The following VPS53 variants were observed in gnomAD, a reference collection of about 807,000 sequenced individuals.
The protein encoded by VPS53 is vacuolar protein sorting-associated protein 53 homolog.
Under a neutral mutation model 107.0 loss-of-function variants are expected in VPS53, and 70 were observed. The observed-to-expected ratio is 0.65, with a 90% CI of 0.54 to 0.80. The LOEUF is 0.80. Ranked by LOEUF, VPS53 falls within the 30% of genes least tolerant of loss-of-function variation. The probability of loss-of-function intolerance (pLI) is 0.00; values close to 1 mark genes in which losing one functional copy is unlikely to be tolerated. For missense variants in VPS53, 917 were observed against 1,049.4 expected (o/e 0.87, Z 1.74); for synonymous variants, 409 against 393.3 (o/e 1.04, Z -0.47).
In VPS53 at chr17:528,064, C is replaced by A. The variant is rs551634604; in HGVS notation, c.2085+4778G>T. Reference sequence around the variant, plus strand: ...GCTTTATTGCCTTATTTTTTAGAGCCATAATCCATCTGGGATTAATTTTCT... The same window carrying A: ...GCTTTATTGCCTTATTTTTTAGAGCAATAATCCATCTGGGATTAATTTTCT... On this transcript the variant is annotated intron_variant, in intron 19 of 21. Coordinates refer to ENST00000437048, the MANE Select transcript of VPS53 (RefSeq NM_001128159.3). Among the ~76,000 whole-genome samples the A allele has an allele frequency of 2.7e-4, 41 of 152,212 alleles. No individual in the cohort carries two copies. In the East Asian group the frequency reaches 7.9e-3, roughly 29 times the overall value.
chr17:560,717 C>T, intron 14 of VPS53, 144 bp from the exon 15 acceptor site: 4 of 917,146 alleles, frequency 4.4e-6, no homozygotes, highest in East Asian at 2.7e-5. Flanking sequence ...GAGTCCTTTT[C>T]CTACTGACCT....
intron 7 of VPS53, among the ~76,000 whole-genome samples, chr17:634,026 G>T (rs1970080637): frequency 6.6e-6 from 1 of 152,192 alleles, no homozygotes; most frequent in Admixed American, 6.5e-5. Flanking sequence ...AGAAGAGGAA[G>T]GAGTTCTCCT....
intron 12 of VPS53, among the ~76,000 whole-genome samples, chr17:591,234 T>C (rs1967629234): frequency 6.6e-6 from 1 of 152,252 alleles, no homozygotes; most frequent in African/African-American, 2.4e-5. Flanking sequence ...ATCCCCTTTG[T>C]CATTTTTTAT....
At position 653,329 on chromosome 17, in the gene VPS53, C is replaced by T. The variant is rs1436281825; in HGVS notation, c.570G>A (p.Lys190=). 6.2e-7 allele frequency: 1 copy of T among 1,614,084 alleles called. No homozygotes were observed. Among genetic ancestry groups the T allele is most frequent in the African/African-American group, 1.3e-5 (1 of 74,908 alleles). ...GCCGGATCTGCGGAATCCCCATATA[C>T]TTGTGGAAGTGCTCCAGGACATTCA... ...GVMNVLEHFH[K]YMGIPQIRQL... The change falls in exon 7 of 22, where the codon AAG becomes AAA. Residue 190 remains lysine, a synonymous_variant. Coordinates refer to ENST00000437048, the MANE Select transcript of VPS53 (RefSeq NM_001128159.3).
intron 2 of VPS53, 75 bp from the exon 3 acceptor site, chr17:699,455 C>T: frequency 1.7e-6 from 2 of 1,190,100 alleles, no homozygotes; most frequent in Non-Finnish European, 2.3e-6. Context: ...AAATGATGTG[C>T]TATAATAGCT....
intron 15 of VPS53, among the ~76,000 whole-genome samples, chr17:553,935 AG>A (rs1018079058): frequency 1.3e-5 from 2 of 152,092 alleles, no homozygotes; most frequent in African/African-American, 2.4e-5. Context: ...AGAAAAATAG[AG>A]GGGGGGCCTA....
Position 623,694 on chromosome 17 carries a change from G to T in VPS53, c.975-20C>A. The T allele has an allele frequency of 6.3e-7, 1 of 1,595,872 alleles. No homozygotes were observed. The highest frequency in any genetic ancestry group is 8.6e-7 in the Non-Finnish European group (1 of 1,167,116). On this transcript the variant is annotated intron_variant, in intron 10 of 21. Transcript: ENST00000437048. ...TCTGCCCTTCAAAACAAAGAGATAA[G>T]AATACTATCAAACAAGCTGATCATT...
chr17:566,716 G>A (rs748441230), intron 13 of VPS53, among the ~76,000 whole-genome samples: 1 of 151,820 alleles, frequency 6.6e-6, no homozygotes, highest in Non-Finnish European at 1.5e-5. Flanking sequence ...GCTCTGACAT[G>A]GGTGTTTTTT....
chr17:665,654 G>C (rs181224120), intron 4 of VPS53, among the ~76,000 whole-genome samples: 2 of 152,326 alleles, frequency 1.3e-5, no homozygotes, highest in South Asian at 2.1e-4. Context: ...GAAATGTAGA[G>C]AAAGTCTGGA....
At chr17:612,919 T>C (rs1421005869) in intron 11 of VPS53, among the ~76,000 whole-genome samples, 2 of 148,708 alleles carry the variant, frequency 1.3e-5, no homozygotes, top group African/African-American at 5.0e-5. Context: ...AGTGAAAACC[T>C]GCACAGATAT....
intron 13 of VPS53, among the ~76,000 whole-genome samples, chr17:578,035 C>A (rs1186651666): frequency 6.7e-6 from 1 of 148,826 alleles, no homozygotes; most frequent in Non-Finnish European, 1.5e-5. Flanking sequence ...TCCCTTAGGA[C>A]CTCAATGCGT....
At position 514,270 on chromosome 17, in the gene VPS53, AACCCCATTTCCAGCAG is replaced by A. The variant is rs1908133785; in HGVS notation, c.*4842_*4857del. 1 of 102,228 alleles carries A rather than the reference AACCCCATTTCCAGCAG, an allele frequency of 9.8e-6. No individual in the cohort carries two copies. The highest frequency in any genetic ancestry group is 1.0e-4 in the Admixed American group (1 of 9,964). 6.3% of individuals were successfully genotyped at this position (102,228 alleles called of 1,614,324 possible). On this transcript the variant is annotated 3_prime_UTR_variant, in exon 22 of 22. Transcript: ENST00000437048. ...TTCCGAGTGCTCTTCCTAGGGAAGG[AACCCCATTTCCAGCAG>A]GTTATTCCGAGTGCTCTTCCTAGGG...
chr17:662,879 AAGGAAGGAAGGAAGGC>A (rs1971528603), intron 4 of VPS53, among the ~76,000 whole-genome samples: 1 of 99,194 alleles, frequency 1.0e-5, no homozygotes, highest in Non-Finnish European at 2.6e-5. Context: ...GGAACGAAGG[AAGGAAGGAAGGAAGGC>A]AGGCAGGCAG....
chr17:588,644 T>G (rs755700606), intron 12 of VPS53, among the ~76,000 whole-genome samples: 68 of 152,350 alleles, frequency 4.5e-4, no homozygotes, highest in Non-Finnish European at 1.2e-4. Flanking sequence ...TCTAGAAACT[T>G]TGGTCCTTCC....
rs780440888 is a variant in VPS53, at chr17:697,422, C to T, written c.281G>A (p.Arg94Gln). The change falls in exon 4 of 22, where the codon CGG becomes CAG. Residue 94 changes from arginine to glutamine, a missense_variant. Physicochemically the swap from Arg to Gln is conservative, Grantham distance 43 (BLOSUM62 1). Transcript: ENST00000437048. ...ATGGAGGAATGAGTTACTTACTTGC[C>T]GTCCATCCTGCCCCACGTTCGTCTG... ...RGQTNVGQDG[R>Q]QALEEAQKAI... The T allele has an allele frequency of 2.1e-5, 34 of 1,613,616 alleles. No homozygotes were observed. Among genetic ancestry groups the T allele is most frequent in the Non-Finnish European group, 2.5e-5 (30 of 1,179,528 alleles).
chr17:653,553 T>A lies in VPS53; in HGVS notation c.489-143A>T, dbSNP rs964236460. 6.8e-6 allele frequency: 9 copies of A among 1,327,480 alleles called. No individual in the cohort carries two copies. The African/African-American group carries it at 1.2e-4, about 17-fold the overall frequency. The allele number at this position is 1,327,480 out of a possible 1,614,324, so 82.2% of individuals were successfully genotyped here. A position where few individuals can be genotyped will look rare whatever the true frequency, so the allele number is the denominator to read the frequency against. ...TGAGCACTGAGTATATAAGCTGCTG[T>A]GCGTTGTGGGAGGAAAAAACAGGAT... is the stretch of plus-strand genomic sequence containing the variant. On this transcript the variant is annotated intron_variant, in intron 6 of 21. Transcript: ENST00000437048.
At chr17:602,333 C>T (rs147800905) in intron 11 of VPS53, among the ~76,000 whole-genome samples, 10 of 152,304 alleles carry the variant, frequency 6.6e-5, no homozygotes, top group African/African-American at 2.2e-4. Context: ...GTCTTGTTCC[C>T]CATCCTATCT....
intron 4 of VPS53, among the ~76,000 whole-genome samples, chr17:693,565 T>TA (rs1412649487): frequency 6.6e-6 from 1 of 151,942 alleles, no homozygotes; most frequent in African/African-American, 2.4e-5. Context: ...CTACCAAAAA[T>TA]AAAAAATTAA....
chr17:707,176 C>T (rs1254313928), intron 2 of VPS53, among the ~76,000 whole-genome samples: 4 of 152,184 alleles, frequency 2.6e-5, no homozygotes, highest in Admixed American at 2.6e-4. Context: ...TTGGTACTCA[C>T]ATATGTATAT....
Sources: gnomAD v4.1 joint callset for allele counts (sites outside exome capture counted in the v4.1 genomes callset) on GRCh38, gnomAD v4.1.1 for gene constraint, MANE v1.5 for transcripts, NCBI Gene and HGNC (gene_info 2026-07-23, HGNC 2026-07-21) for gene names.